The following SDCBP variants were observed in gnomAD, a reference collection of about 807,000 sequenced individuals.
SDCBP encodes the protein syntenin-1.
Under a neutral mutation model 30.5 loss-of-function variants are expected in SDCBP, and 22 were observed. The observed-to-expected ratio is 0.72, with a 90% CI of 0.52 to 1.03. The LOEUF is 1.03. Among genes scored for constraint, SDCBP ranks in the 50% least tolerant of loss-of-function variants. The pLI is 0.00. For synonymous variants in SDCBP, 103 were observed against 118.7 expected (o/e 0.87, Z 0.86); for missense variants, 304 against 369.9 (o/e 0.82, Z 1.46).
At position 58,572,310 on chromosome 8, in the gene SDCBP, A is replaced by C. The variant is rs755083095; in HGVS notation, c.236A>C (p.Gln79Pro). Residue 79 changes from glutamine to proline, a missense_variant, in exon 4 of 9, where the codon CAG becomes CCG. Physicochemically the swap from Gln to Pro is moderately conservative, Grantham distance 76. Coordinates refer to ENST00000260130, the MANE Select transcript of SDCBP (RefSeq NM_005625.4). ...NVAVVSGAPL[Q>P]GQLVARPSSI... ...GCCGTGGTTTCTGGTGCACCACTTC[A>C]GGGGGTATGTATAGTGTAATTAATT... The C allele has an allele frequency of 1.3e-6, 2 of 1,580,278 alleles. No individual in the cohort carries two copies. The highest frequency in any genetic ancestry group is 1.3e-5 in the African/African-American group (1 of 74,378).
At chr8:58,571,274 A>G (rs1186671894) in intron 3 of SDCBP, among the ~76,000 whole-genome samples, 1 of 152,188 alleles carries the variant, frequency 6.6e-6, no homozygotes, top group Non-Finnish European at 1.5e-5. Flanking sequence ...TATGAGAACT[A>G]TATGAATTCA....
chr8:58,570,701 A>T, intron 2 of SDCBP, 186 bp from the exon 3 acceptor site: 1 of 525,686 alleles, frequency 1.9e-6, no homozygotes, highest in Non-Finnish European at 3.4e-6. Context: ...TAGAATATCA[A>T]ATATAGTTTT....
intron 2 of SDCBP, among the ~76,000 whole-genome samples, chr8:58,567,931 A>G (rs1173144471): frequency 6.6e-6 from 1 of 152,200 alleles, no homozygotes; most frequent in Non-Finnish European, 1.5e-5. Context: ...CTTACCATGA[A>G]TGGAGCTTCC....
Position 58,581,915 on chromosome 8 carries a change from T to C in SDCBP, c.*175T>C, listed in dbSNP as rs1239795984. 4 of 586,804 alleles carry C rather than the reference T, an allele frequency of 6.8e-6. No homozygotes were observed. In the African/African-American group the frequency reaches 7.5e-5, roughly 11 times the overall value. 36.3% of individuals were successfully genotyped at this position (586,804 alleles called of 1,614,324 possible). A position where few individuals can be genotyped will look rare whatever the true frequency, so the allele number is the denominator to read the frequency against. ...TTTCATCTGATACCTTGTTCAGATT[T>C]CAAAATAGTTGTAGCCTTATCCTGG... On this transcript the variant is annotated 3_prime_UTR_variant, in exon 9 of 9. Transcript: ENST00000260130.
intron 5 of SDCBP, 26 bp downstream of exon 5, chr8:58,576,087 A>T: frequency 6.6e-7 from 1 of 1,521,308 alleles, no homozygotes. Context: ...ACCTATTTGA[A>T]TTTGTCTAAA....
In SDCBP at chr8:58,579,747, G is replaced by A. The variant is rs369166523; in HGVS notation, c.703G>A (p.Glu235Lys). The change falls in exon 7 of 9, where the codon GAA (glutamate) becomes AAA (lysine). Residue 235 changes from glutamate (E) to lysine (K), a missense_variant. By Grantham distance (56) the Glu-to-Lys change is moderately conservative. Coordinates refer to ENST00000260130, the MANE Select transcript of SDCBP (RefSeq NM_005625.4). ...TGCAGCCAGAAATGGTCTTCTCACG[G>A]AACATAACATCTGTGAAATCAATGG... ...SSAARNGLLT[E>K]HNICEINGQN... 1.2e-6 allele frequency: 2 copies of A among 1,612,496 alleles called. No individual in the cohort carries two copies. Among genetic ancestry groups the A allele is most frequent in the African/African-American group, 2.7e-5 (2 of 74,848 alleles).
intron 7 of SDCBP, 69 bp downstream of exon 7, chr8:58,579,863 G>A: frequency 7.0e-7 from 1 of 1,425,906 alleles, no homozygotes; most frequent in Non-Finnish European, 9.4e-7. Context: ...ACTGTATTTA[G>A]GTGGCGCTGT....
intron 1 of SDCBP, among the ~76,000 whole-genome samples, chr8:58,557,167 G>T (rs1804173686): frequency 8.7e-6 from 1 of 114,402 alleles, no homozygotes; most frequent in East Asian, 2.5e-4. Flanking sequence ...TAATTATAAT[G>T]TATATTATAA....
intron 1 of SDCBP, among the ~76,000 whole-genome samples, chr8:58,562,695 G>C (rs914013523): frequency 2.0e-5 from 3 of 152,106 alleles, no homozygotes; most frequent in Non-Finnish European, 4.4e-5. Context: ...ATAGATCAAA[G>C]ATATAAATGC....
Position 58,566,011 on chromosome 8 carries a change from A to G in SDCBP, c.51+927A>G, listed in dbSNP as rs552925973. ...AATTATTTTCTATCATAGATCCAGT[A>G]TGGATATTAAAATGAGGTTTGTAAA... On this transcript the variant is annotated intron_variant, in intron 2 of 8. Coordinates refer to ENST00000260130, the MANE Select transcript of SDCBP (RefSeq NM_005625.4). Among the ~76,000 whole-genome samples the G allele has an allele frequency of 3.3e-5, 5 of 152,294 alleles. No homozygotes were observed. In the South Asian group the frequency reaches 1.0e-3, roughly 32 times the overall value.
At chr8:58,554,658 T>C (rs1803999568) in intron 1 of SDCBP, among the ~76,000 whole-genome samples, 1 of 152,210 alleles carries the variant, frequency 6.6e-6, no homozygotes, top group South Asian at 2.1e-4. Flanking sequence ...GCCGGTTAAA[T>C]GTACTGTTTA....
intron 3 of SDCBP, among the ~76,000 whole-genome samples, chr8:58,571,725 A>G (rs1805037249): frequency 6.6e-6 from 1 of 152,220 alleles, no homozygotes; most frequent in Non-Finnish European, 1.5e-5. Flanking sequence ...TAAAATGATA[A>G]GACACTAAAT....
chr8:58,572,139 T>G, intron 3 of SDCBP, 66 bp from the exon 4 acceptor site: 1 of 923,076 alleles, frequency 1.1e-6, no homozygotes, highest in Non-Finnish European at 1.7e-6. Context: ...CAGAAGCCCA[T>G]AATGAGAGAA....
intron 7 of SDCBP, chr8:58,580,032 GA>G: frequency 2.7e-6 from 1 of 370,552 alleles, no homozygotes; most frequent in Non-Finnish European, 4.8e-6. Flanking sequence ...GAATTCTGTG[GA>G]AATATGGGCA....
chr8:58,566,701 T>A (rs1804722854), intron 2 of SDCBP, among the ~76,000 whole-genome samples: 1 of 152,212 alleles, frequency 6.6e-6, no homozygotes, highest in Non-Finnish European at 1.5e-5. Flanking sequence ...CATCATTTTC[T>A]AAGGTGGATG....
chr8:58,565,643 T>C (rs867809633), intron 2 of SDCBP, among the ~76,000 whole-genome samples: 1 of 152,028 alleles, frequency 6.6e-6, no homozygotes, highest in African/African-American at 2.4e-5. Context: ...TCTAATTGCA[T>C]TGAGTTGAAA....
At chr8:58,580,642 G>A (rs377471776) in intron 8 of SDCBP, 34 bp downstream of exon 8, 9 of 1,078,264 alleles carry the variant, frequency 8.3e-6, no homozygotes, top group Non-Finnish European at 8.7e-6. Flanking sequence ...AATGCATATG[G>A]TCATGTGACT....
intron 5 of SDCBP, among the ~76,000 whole-genome samples, chr8:58,576,841 A>T (rs557900634): frequency 6.6e-6 from 1 of 152,192 alleles, no homozygotes; most frequent in South Asian, 2.1e-4. Flanking sequence ...GCCTTTCCAC[A>T]TAGAAAATTA....
chr8:58,577,966 A>G lies in SDCBP; in HGVS notation c.403-67A>G, dbSNP rs551800636. The G allele has an allele frequency of 7.7e-5, 97 of 1,256,260 alleles. No homozygotes were observed. In the East Asian group the frequency reaches 2.1e-3, roughly 28 times the overall value. The allele number at this position is 1,256,260 out of a possible 1,614,324, so 77.8% of individuals were successfully genotyped here. ...TTTCAACATAAACAGTTGTTTCCTA[A>G]TTTTCCAGCGTTTAAAACCGTATCA... is the stretch of plus-strand genomic sequence containing the variant. On this transcript the variant is annotated intron_variant, in intron 5 of 8. Coordinates refer to ENST00000260130, the MANE Select transcript of SDCBP (RefSeq NM_005625.4).
Sources: gnomAD v4.1 joint callset for allele counts (sites outside exome capture counted in the v4.1 genomes callset) on GRCh38, gnomAD v4.1.1 for gene constraint, MANE v1.5 for transcripts, NCBI Gene and HGNC (gene_info 2026-07-23, HGNC 2026-07-21) for gene names.